Variants in ADAM9 observed in about 807,000 individuals in gnomAD.
ADAM9 encodes disintegrin and metalloproteinase domain-containing protein 9.
In ADAM9, 54 loss-of-function variants were observed where a neutral mutation model predicts 108.1. The observed-to-expected ratio is 0.50, with a 90% CI of 0.40 to 0.63. The LOEUF (loss-of-function observed/expected upper bound fraction) is 0.63, where lower values mean the gene tolerates loss of function less well. Ranked by LOEUF, ADAM9 falls within the 20% of genes least tolerant of loss-of-function variation. The pLI is 0.00. For synonymous variants in ADAM9, 316 were observed against 336.0 expected (o/e 0.94, Z 0.65); for missense variants, 830 against 997.7 (o/e 0.83, Z 2.26).
chr8:39,096,336 G>T (rs1839505436), intron 20 of ADAM9, among the ~76,000 whole-genome samples: 5 of 125,726 alleles, frequency 4.0e-5, no homozygotes, highest in East Asian at 3.0e-4. Context: ...ATATTCTATA[G>T]CACATATATT....
intron 2 of ADAM9, among the ~76,000 whole-genome samples, chr8:39,010,111 G>C (rs1836307542): frequency 6.6e-6 from 1 of 152,038 alleles, no homozygotes; most frequent in Non-Finnish European, 1.5e-5. Flanking sequence ...GCCAGGGAAA[G>C]CCTTACGAGA....
chr8:38,998,793 T>G (rs530448900), intron 1 of ADAM9, among the ~76,000 whole-genome samples: 1 of 152,266 alleles, frequency 6.6e-6, no homozygotes, highest in South Asian at 2.1e-4. Flanking sequence ...GAACATGACT[T>G]TTTAGGAAAT....
At chr8:39,081,546 T>G (rs1839025283) in intron 16 of ADAM9, among the ~76,000 whole-genome samples, 3 of 152,228 alleles carry the variant, frequency 2.0e-5, no homozygotes. Flanking sequence ...TCAGGAGTAG[T>G]GCATGGCTAG....
chr8:39,023,687 A>G (rs1019420152), intron 9 of ADAM9, among the ~76,000 whole-genome samples: 2 of 150,574 alleles, frequency 1.3e-5, no homozygotes, highest in Non-Finnish European at 2.9e-5. Context: ...TGATTACTCT[A>G]GGCCTAAGTA....
chr8:39,038,154 C>CAAGA (rs761536717), intron 11 of ADAM9, among the ~76,000 whole-genome samples: 13 of 152,186 alleles, frequency 8.5e-5, no homozygotes, highest in Admixed American at 3.9e-4. Context: ...TGTAGTCTTC[C>CAAGA]TCTTAATAGA....
At chr8:39,023,791 G>C (rs528656491) in intron 9 of ADAM9, among the ~76,000 whole-genome samples, 128 of 119,070 alleles carry the variant, frequency 1.1e-3, no homozygotes, top group African/African-American at 4.0e-3. Context: ...CTGTTGCCCA[G>C]ACCAGAGTGC....
At chr8:39,054,083 A>G (rs1300562876) in intron 12 of ADAM9, among the ~76,000 whole-genome samples, 1 of 152,176 alleles carries the variant, frequency 6.6e-6, no homozygotes, top group East Asian at 1.9e-4. Flanking sequence ...AGGAAGGGCT[A>G]TGTCAGCACA....
intron 7 of ADAM9, 31 bp downstream of exon 7, chr8:39,018,949 C>CCT: frequency 6.3e-7 from 1 of 1,598,166 alleles, no homozygotes; most frequent in South Asian, 1.1e-5. Flanking sequence ...TCTTCTTTTC[C>CCT]ATGAAAAGGA....
At chr8:39,060,464 T>C (rs1838264163) in intron 14 of ADAM9, among the ~76,000 whole-genome samples, 2 of 152,272 alleles carry the variant, frequency 1.3e-5, no homozygotes, top group Non-Finnish European at 2.9e-5. Flanking sequence ...AAATGAGGAA[T>C]ATTTTGCCTT....
chr8:39,087,517 G>T (rs781576200), intron 18 of ADAM9, among the ~76,000 whole-genome samples: 1 of 152,158 alleles, frequency 6.6e-6, no homozygotes, highest in African/African-American at 2.4e-5. Flanking sequence ...ATAACTCACT[G>T]TTAACATTGT....
At chr8:39,032,590 C>A (rs1837132745) in intron 11 of ADAM9, among the ~76,000 whole-genome samples, 2 of 152,256 alleles carry the variant, frequency 1.3e-5, no homozygotes, top group South Asian at 4.1e-4. Flanking sequence ...CTTCCCTTGG[C>A]TAGGAGAGGG....
intron 11 of ADAM9, among the ~76,000 whole-genome samples, chr8:39,030,427 A>T (rs1837061089): frequency 6.6e-6 from 1 of 152,152 alleles, no homozygotes; most frequent in Non-Finnish European, 1.5e-5. Flanking sequence ...TCATGTCTTG[A>T]TAGCTCATTT....
At chr8:39,030,306 C>T (rs1429854388) in intron 11 of ADAM9, among the ~76,000 whole-genome samples, 1 of 152,174 alleles carries the variant, frequency 6.6e-6, no homozygotes, top group Non-Finnish European at 1.5e-5. Flanking sequence ...TTACTGTCTC[C>T]ATAGTTTCGT....
At chr8:39,086,920 A>G (rs375656209) in intron 18 of ADAM9, among the ~76,000 whole-genome samples, 51 of 152,206 alleles carry the variant, frequency 3.4e-4, no homozygotes, top group South Asian at 1.0e-3. Context: ...CCACTGAATT[A>G]TAGGAGCAAG....
chr8:39,051,754 T>C (rs957310510), intron 12 of ADAM9, among the ~76,000 whole-genome samples: 1 of 152,180 alleles, frequency 6.6e-6, no homozygotes, highest in African/African-American at 2.4e-5. Flanking sequence ...TCCTGGACAT[T>C]TTTCTGTATC....
At chr8:39,062,642 A>G (rs1306568253) in intron 14 of ADAM9, among the ~76,000 whole-genome samples, 1 of 152,174 alleles carries the variant, frequency 6.6e-6, no homozygotes, top group Non-Finnish European at 1.5e-5. Context: ...TGGTGGTTGA[A>G]TGTTGACACT....
intron 2 of ADAM9, among the ~76,000 whole-genome samples, chr8:39,009,989 A>G (rs1020816357): frequency 6.9e-6 from 1 of 144,108 alleles, no homozygotes; most frequent in South Asian, 2.5e-4. Flanking sequence ...CCAAAAATGT[A>G]TATTACTTCA....
chr8:39,088,872 T>C (rs142656337), intron 18 of ADAM9, among the ~76,000 whole-genome samples: 131 of 152,060 alleles, frequency 8.6e-4, no homozygotes, highest in African/African-American at 3.1e-3. Flanking sequence ...TAAAGAACTT[T>C]TAGAAATTAA....
rs537870053 is a variant in ADAM9, at chr8:39,028,115, T to G, written c.1130+1305T>G. On this transcript the variant is annotated intron_variant, in intron 11 of 21. Transcript: ENST00000487273. The stretch of plus-strand genomic sequence containing the variant: ...AACAAACACAGATGAAGATTTCACA[T>G]GGGGAATATCCGTGGCCCCAAGTGT... Among the ~76,000 whole-genome samples the G allele has an allele frequency of 7.2e-5, 11 of 152,132 alleles. No homozygotes were observed. The South Asian group carries it at 2.3e-3, about 32-fold the overall frequency.
Sources: gnomAD v4.1 joint callset for allele counts (sites outside exome capture counted in the v4.1 genomes callset) on GRCh38, gnomAD v4.1.1 for gene constraint, MANE v1.5 for transcripts, NCBI Gene and HGNC (gene_info 2026-07-23, HGNC 2026-07-21) for gene names.